Variants in MAMDC2 observed in about 807,000 individuals in gnomAD.
The protein encoded by MAMDC2 is MAM domain containing 2.
MAMDC2 carries 57 observed loss-of-function variants against 89.8 expected under a neutral mutation model. The ratio of observed to expected loss-of-function variants is 0.63; its 90% CI spans 0.51 to 0.79. The LOEUF is 0.79. Ranked by LOEUF, MAMDC2 falls within the 30% of genes least tolerant of loss-of-function variation. MAMDC2 has a pLI of 0.00. For synonymous variants in MAMDC2, 313 were observed against 293.4 expected, an observed-to-expected ratio of 1.07 and a Z score of -0.68; for missense variants, 800 against 820.6, an observed-to-expected ratio of 0.97 and a Z score of 0.31.
intron 2 of MAMDC2, among the ~76,000 whole-genome samples, chr9:70,100,243 T>C (rs1049176203): frequency 6.6e-6 from 1 of 152,204 alleles, no homozygotes; most frequent in Non-Finnish European, 1.5e-5. Context: ...ATCCTCACTT[T>C]ACCAAAGAAG....
intron 5 of MAMDC2, among the ~76,000 whole-genome samples, chr9:70,125,446 T>A (rs2030488343): frequency 6.6e-6 from 1 of 152,206 alleles, no homozygotes; most frequent in African/African-American, 2.4e-5. Context: ...CAATGCTAAG[T>A]CAAGGCTGTC....
intron 11 of MAMDC2, among the ~76,000 whole-genome samples, chr9:70,205,187 C>T (rs2033198023): frequency 6.6e-6 from 1 of 152,188 alleles, no homozygotes; most frequent in Non-Finnish European, 1.5e-5. Context: ...ATGCACATAA[C>T]ATACTTTAAC....
chr9:70,194,932 A>G (rs1415181145), intron 11 of MAMDC2, among the ~76,000 whole-genome samples: 1 of 152,088 alleles, frequency 6.6e-6, no homozygotes, highest in East Asian at 1.9e-4. Flanking sequence ...CCACCAGGTA[A>G]TTCAAGTGGT....
chr9:70,051,535 G>T (rs1826894038), intron 2 of MAMDC2, among the ~76,000 whole-genome samples: 1 of 152,064 alleles, frequency 6.6e-6, no homozygotes, highest in African/African-American at 2.4e-5. Flanking sequence ...AAATATTTTG[G>T]TTCTTAAAAT....
chr9:70,207,774 T>C (rs998975069), intron 11 of MAMDC2, among the ~76,000 whole-genome samples: 33 of 152,208 alleles, frequency 2.2e-4, no homozygotes, highest in Non-Finnish European at 2.8e-4. Context: ...GGTCTAACAT[T>C]TAAGTTTTTA....
intron 11 of MAMDC2, among the ~76,000 whole-genome samples, chr9:70,189,337 T>C (rs1331142549): frequency 6.6e-6 from 1 of 152,124 alleles, no homozygotes; most frequent in East Asian, 1.9e-4. Flanking sequence ...CTTTCAACAC[T>C]TTTATATATG....
chr9:70,085,398 A>G (rs914226751), intron 2 of MAMDC2, among the ~76,000 whole-genome samples: 35 of 152,162 alleles, frequency 2.3e-4, no homozygotes, highest in African/African-American at 7.2e-4. Flanking sequence ...TTTACTTCTT[A>G]GGGTCTTAGT....
intron 2 of MAMDC2, among the ~76,000 whole-genome samples, chr9:70,102,412 C>T (rs187100176): frequency 4.6e-5 from 7 of 152,252 alleles, no homozygotes; most frequent in Admixed American, 3.9e-4. Context: ...GACTTGTGCC[C>T]TGACCATGCT....
chr9:70,115,967 T>G (rs2029966101), intron 5 of MAMDC2, among the ~76,000 whole-genome samples: 1 of 152,238 alleles, frequency 6.6e-6, no homozygotes, highest in Admixed American at 6.5e-5. Flanking sequence ...GTTTTGCGAT[T>G]GTTTTTCTGT....
intron 2 of MAMDC2, among the ~76,000 whole-genome samples, chr9:70,106,742 C>T (rs939445039): frequency 6.6e-6 from 1 of 152,146 alleles, no homozygotes; most frequent in Admixed American, 6.5e-5. Flanking sequence ...TATCTGCACC[C>T]AGTGGGCGGT....
At chr9:70,079,444 C>G (rs142986256) in intron 2 of MAMDC2, 2 of 152,278 alleles carry the variant, frequency 1.3e-5, no homozygotes, top group East Asian at 3.9e-4. Context: ...AGCCACCCAG[C>G]AGAGCACCAT....
intron 2 of MAMDC2, among the ~76,000 whole-genome samples, chr9:70,077,526 A>C (rs570343965): frequency 6.6e-6 from 1 of 152,354 alleles, no homozygotes; most frequent in South Asian, 2.1e-4. Flanking sequence ...CCTTTCAGTT[A>C]GTTTAAATGT....
At chr9:70,059,037 C>T (rs567555463) in intron 2 of MAMDC2, among the ~76,000 whole-genome samples, 71 of 152,262 alleles carry the variant, frequency 4.7e-4, no homozygotes, top group Middle Eastern at 3.4e-3. Flanking sequence ...GTTTCTTGAT[C>T]ATCTTGATGG....
At chr9:70,204,503 CTT>C (rs1279869627) in intron 11 of MAMDC2, among the ~76,000 whole-genome samples, 1 of 149,240 alleles carries the variant, frequency 6.7e-6, no homozygotes, top group Non-Finnish European at 1.5e-5. Flanking sequence ...TTACTGCTGT[CTT>C]TTTGTTTGTC....
At chr9:70,210,564 T>G (rs2033333620) in intron 11 of MAMDC2, among the ~76,000 whole-genome samples, 1 of 152,250 alleles carries the variant, frequency 6.6e-6, no homozygotes, top group South Asian at 2.1e-4. Context: ...TACAGCACAC[T>G]GATGGGTCTT....
intron 9 of MAMDC2, among the ~76,000 whole-genome samples, chr9:70,156,074 C>T (rs1259952431): frequency 1.3e-5 from 2 of 152,152 alleles, no homozygotes; most frequent in Admixed American, 6.5e-5. Context: ...CTTCTACCTC[C>T]TGTTATATTT....
At chr9:70,190,720 A>G (rs2032860316) in intron 11 of MAMDC2, among the ~76,000 whole-genome samples, 1 of 152,118 alleles carries the variant, frequency 6.6e-6, no homozygotes, top group Admixed American at 6.6e-5. Context: ...TCAACTGTCA[A>G]TGCCACCTCA....
chr9:70,218,745 T>C (rs969996789), intron 12 of MAMDC2, 149 bp downstream of exon 12: 14 of 837,846 alleles, frequency 1.7e-5, no homozygotes, highest in Non-Finnish European at 2.4e-5. Context: ...ATAATTAGTC[T>C]ATACATTGAT....
intron 11 of MAMDC2, among the ~76,000 whole-genome samples, chr9:70,192,888 C>A (rs2032909977): frequency 6.6e-6 from 1 of 151,992 alleles, no homozygotes; most frequent in Non-Finnish European, 1.5e-5. Context: ...CAAGTAACAT[C>A]AAGGGCGAGG....
Sources: gnomAD v4.1 joint callset for allele counts (sites outside exome capture counted in the v4.1 genomes callset) on GRCh38, gnomAD v4.1.1 for gene constraint, MANE v1.5 for transcripts, NCBI Gene and HGNC (gene_info 2026-07-23, HGNC 2026-07-21) for gene names.